Variants in FAM118A observed in about 807,000 individuals in gnomAD.
FAM118A encodes the protein protein FAM118A.
In FAM118A, 25 loss-of-function variants were observed where a neutral mutation model predicts 38.2. The observed-to-expected ratio is 0.65, with a 90% CI of 0.48 to 0.91. The LOEUF (loss-of-function observed/expected upper bound fraction) is 0.91, where lower values mean the gene tolerates loss of function less well. FAM118A is among the 40% of genes least tolerant of loss of function. The pLI, the probability that FAM118A is intolerant of heterozygous loss-of-function variation, is 0.00. For synonymous variants in FAM118A, 178 were observed against 184.1 expected (o/e 0.97, Z 0.27); for missense variants, 425 against 463.3 (o/e 0.92, Z 0.76).
At chr22:45,333,093 C>G (rs954506115) in intron 6 of FAM118A, among the ~76,000 whole-genome samples, 3 of 152,132 alleles carry the variant, frequency 2.0e-5, no homozygotes, top group Non-Finnish European at 2.9e-5. Context: ...AGTTGTTTCT[C>G]TCTGTCTTTT....
rs1007696737 is a variant in FAM118A at position 45,337,250 on chromosome 22, G to T, written c.1054+839G>T. 1.1e-4 allele frequency among the ~76,000 whole-genome samples: 16 copies of T among 152,364 alleles called. No individual in the cohort carries two copies. The East Asian group carries it at 2.9e-3, about 28-fold the overall frequency. ...AGAAAGGAAACGAGACCCCCAGTCT[G>T]TCTGTAGGTTGATTGTAAAAGTTGG... On this transcript the variant is annotated intron_variant, in intron 8 of 8. Transcript: ENST00000441876.
At position 45,336,431 on chromosome 22, in the gene FAM118A, T is replaced by C. The variant is rs2146716373; in HGVS notation, c.1054+20T>C. 6.3e-7 allele frequency: 1 copy of C among 1,597,568 alleles called. No homozygotes were observed. Among genetic ancestry groups the C allele is most frequent in the Middle Eastern group, 1.7e-4 (1 of 6,028 alleles). On this transcript the variant is annotated intron_variant, in intron 8 of 8. Coordinates refer to ENST00000441876, the MANE Select transcript of FAM118A (RefSeq NM_017911.4). ...ATACTGGTATTGTGTCTGTTCTTTT[T>C]GTGGGGAGCTGCCTCGGGTCTCTCT... is the stretch of plus-strand genomic sequence containing the variant.
intron 1 of FAM118A, among the ~76,000 whole-genome samples, chr22:45,316,365 C>A (rs1258359641): frequency 6.6e-6 from 1 of 152,148 alleles, no homozygotes; most frequent in Non-Finnish European, 1.5e-5. Flanking sequence ...TGCCGCCACA[C>A]TCTTCTCCTC....
At chr22:45,326,964 C>T (rs746025302) in intron 3 of FAM118A, among the ~76,000 whole-genome samples, 7 of 150,480 alleles carry the variant, frequency 4.7e-5, no homozygotes, top group Non-Finnish European at 7.4e-5. Context: ...GGGCCGTGAT[C>T]GTGCCACTCA....
At chr22:45,333,689 A>T (rs939111547) in intron 6 of FAM118A, among the ~76,000 whole-genome samples, 2 of 150,844 alleles carry the variant, frequency 1.3e-5, no homozygotes, top group Non-Finnish European at 3.0e-5. Flanking sequence ...AAAAAAAAAA[A>T]AAAGAGCTGG....
chr22:45,316,793 GC>G (rs905784902), intron 1 of FAM118A, among the ~76,000 whole-genome samples: 1 of 152,156 alleles, frequency 6.6e-6, no homozygotes, highest in Non-Finnish European at 1.5e-5. Context: ...TGCTCTAAGG[GC>G]TCAACATAAA....
chr22:45,314,759 A>G (rs1032111626), intron 1 of FAM118A, among the ~76,000 whole-genome samples: 1 of 152,252 alleles, frequency 6.6e-6, no homozygotes, highest in Admixed American at 6.5e-5. Flanking sequence ...CTTGTTAAGT[A>G]ACACGTTTAT....
At chr22:45,320,268 C>G (rs2084794912) in intron 1 of FAM118A, among the ~76,000 whole-genome samples, 1 of 152,100 alleles carries the variant, frequency 6.6e-6, no homozygotes, top group Non-Finnish European at 1.5e-5. Context: ...TCGAGACCAT[C>G]CTGGCTAACA....
At chr22:45,322,703 G>C (rs2146628492) in intron 2 of FAM118A, among the ~76,000 whole-genome samples, 1 of 152,306 alleles carries the variant, frequency 6.6e-6, no homozygotes, top group South Asian at 2.1e-4. Flanking sequence ...AGAATTCTTT[G>C]ACTACAGATG....
chr22:45,309,807 C>CGGGGA (rs1209025369), upstream of FAM118A: 1 of 151,420 alleles, frequency 6.6e-6, no homozygotes, highest in Non-Finnish European at 1.5e-5. Flanking sequence ...GATCTGGCGG[C>CGGGGA]GGGGCGGGGC....
At chr22:45,337,901 T>C (rs1336550607) in intron 8 of FAM118A, 1 of 985,296 alleles carries the variant, frequency 1.0e-6, no homozygotes, top group Non-Finnish European at 1.2e-6. Context: ...TCCCCCGGAC[T>C]CCACTGTCTG....
intron 1 of FAM118A, among the ~76,000 whole-genome samples, chr22:45,317,993 A>G (rs1011283290): frequency 2.6e-5 from 4 of 152,252 alleles, no homozygotes; most frequent in East Asian, 1.9e-4. Flanking sequence ...GGGCGGGGCC[A>G]TTAACATCCT....
chr22:45,323,088 G>C, intron 2 of FAM118A, 87 bp from the exon 3 acceptor site: 2 of 1,317,428 alleles, frequency 1.5e-6, no homozygotes, highest in Non-Finnish European at 2.1e-6. Context: ...CACAGCACAA[G>C]GCCGGAACTC....
chr22:45,319,840 G>C (rs149987831), intron 1 of FAM118A, among the ~76,000 whole-genome samples: 1 of 152,130 alleles, frequency 6.6e-6, no homozygotes, highest in Non-Finnish European at 1.5e-5. Context: ...GCCCCAGCCC[G>C]GACTCTGCCA....
chr22:45,326,439 G>A (rs1201424765), intron 3 of FAM118A, among the ~76,000 whole-genome samples: 1 of 152,186 alleles, frequency 6.6e-6, no homozygotes, highest in Non-Finnish European at 1.5e-5. Context: ...TGTAATCCCA[G>A]CACTTTGGGA....
chr22:45,332,265 G>A (rs549964214), intron 5 of FAM118A, among the ~76,000 whole-genome samples, 160 bp from the exon 6 acceptor site: 1 of 130,124 alleles, frequency 7.7e-6, no homozygotes, highest in South Asian at 2.4e-4. Flanking sequence ...TGAGTGCCAT[G>A]TCGGGAAGGA....
rs922900406 is a variant in FAM118A, at chr22:45,310,064, C to G, written c.-129C>G. ...GCGCAGTCCCCTCCCCGAGAACCAT[C>G]CCCTTGCCCCGCCCAGCGTCAGGGG... On this transcript the variant is annotated 5_prime_UTR_variant, in exon 1 of 9. In the 5' UTR this introduces an upstream ATG that the reference lacks. Transcript: ENST00000441876. 1 of 152,052 alleles carries G rather than the reference C, an allele frequency of 6.6e-6. No individual in the cohort carries two copies. The highest frequency in any genetic ancestry group is 2.4e-5 in the African/African-American group (1 of 41,396). 9.4% of individuals were successfully genotyped at this position (152,052 alleles called of 1,614,324 possible).
chr22:45,329,959 G>A (rs865822670), intron 4 of FAM118A: 1 of 152,350 alleles, frequency 6.6e-6, no homozygotes. Flanking sequence ...TCTTGATAAG[G>A]TCCTGCGTTC....
chr22:45,324,225 A>G (rs1379523498), intron 3 of FAM118A, among the ~76,000 whole-genome samples: 1 of 152,240 alleles, frequency 6.6e-6, no homozygotes, highest in African/African-American at 2.4e-5. Context: ...ACATGGCTTC[A>G]TGTGAGCACC....
Sources: allele counts gnomAD v4.1 joint callset (sites outside exome capture counted in the v4.1 genomes callset), GRCh38; gene constraint gnomAD v4.1.1; transcripts MANE v1.5; gene names NCBI Gene and HGNC (gene_info 2026-07-23, HGNC 2026-07-21).